Variants in MDN1 observed in about 807,000 individuals in gnomAD.
MDN1 encodes midasin.
A neutral mutation model predicts 669.2 loss-of-function variants in MDN1; 266 were observed. The observed-to-expected ratio is 0.40, with a 90% confidence interval of 0.36 to 0.44. The LOEUF (loss-of-function observed/expected upper bound fraction) is 0.44. Among genes scored for constraint, MDN1 ranks in the 20% least tolerant of loss-of-function variants. The pLI, the probability that MDN1 is intolerant of heterozygous loss-of-function variation, is 1.00. For missense variants in MDN1, 5,940 were observed against 6,754.0 expected (o/e 0.88, Z 4.22); for synonymous variants, 2,385 against 2,457.1 (o/e 0.97, Z 0.87).
chr6:89,754,252 G>C, intron 20 of MDN1, 22 bp from the exon 21 acceptor site: 1 of 1,604,088 alleles, frequency 6.2e-7, no homozygotes, highest in Non-Finnish European at 8.5e-7. Flanking sequence ...ATAAAGGTCA[G>C]GCAATTTTAT....
At chr6:89,793,389 C>T (rs991557801) in intron 5 of MDN1, among the ~76,000 whole-genome samples, 1 of 152,154 alleles carries the variant, frequency 6.6e-6, no homozygotes, top group Non-Finnish European at 1.5e-5. Context: ...AAAGGCATCA[C>T]ACAGGAACCA....
At position 89,690,737 on chromosome 6, in the gene MDN1, G is replaced by T. The variant is rs756037422; in HGVS notation, c.10685C>A (p.Thr3562Lys). 6.2e-7 allele frequency: 1 copy of T among 1,613,954 alleles called. No individual in the cohort carries two copies. The highest frequency in any genetic ancestry group is 8.5e-7 in the Non-Finnish European group (1 of 1,180,018). ...LYRYRSRNSR[T>K]ALSEEEEEER... ...TTCCTCCTCCTCTTCACTCAGGGCT[G>T]TCCTAGAGTTCCTGCTCCTGTATCT... Residue 3562 changes from threonine (T) to lysine (K), a missense_variant, in exon 64 of 102, where the codon ACA becomes AAA. By Grantham distance (78) the Thr-to-Lys change is moderately conservative (BLOSUM62 -1). Coordinates refer to ENST00000369393, the MANE Select transcript of MDN1 (RefSeq NM_014611.3).
intron 68 of MDN1, 112 bp from the exon 69 acceptor site, chr6:89,687,135 G>A (rs1383778792): frequency 5.4e-6 from 8 of 1,473,906 alleles, no homozygotes; most frequent in Non-Finnish European, 6.4e-6. Context: ...TGGAGATGGA[G>A]GAGCCACCCA....
chr6:89,684,391 A>T (rs6926650), intron 71 of MDN1, among the ~76,000 whole-genome samples: 74,283 of 136,380 alleles, frequency 0.54, 19,024 homozygotes, highest in East Asian at 0.84. Context: ...AAAGTGATTT[A>T]AAAAAAAAAA....
At position 89,700,873 on chromosome 6, in the gene MDN1, C is replaced by G. The variant is rs1326142792; in HGVS notation, c.8428-17G>C. 7 of 1,611,374 alleles carry G rather than the reference C, an allele frequency of 4.3e-6. No homozygotes were observed. Among genetic ancestry groups the G allele is most frequent in the Non-Finnish European group, 4.2e-6 (5 of 1,178,196 alleles). On this transcript the variant is annotated splice_polypyrimidine_tract_variant and intron_variant, in intron 55 of 101. Coordinates refer to ENST00000369393, the MANE Select transcript of MDN1 (RefSeq NM_014611.3). ...CAGCTTGTCCTGAAACAACAACACC[C>G]ACAAGAGCATACTATAGAGCACAAA...
Position 89,674,424 on chromosome 6 carries a change from C to T in MDN1, c.12927G>A (p.Gln4309=), listed in dbSNP as rs1243375575. 2 of 1,614,140 alleles carry T rather than the reference C, an allele frequency of 1.2e-6. No individual in the cohort carries two copies. Among genetic ancestry groups the T allele is most frequent in the Non-Finnish European group, 1.7e-6 (2 of 1,180,014 alleles). Residue 4309 remains glutamine, a synonymous_variant, in exon 79 of 102, where the codon CAG becomes CAA. Transcript: ENST00000369393. ...GAGCTGGCCCTACACTGGGGCAGCA[C>T]TGGAGGAGCCAGGAGAGCTGCTCAA... ...ILLEQLSWLL[Q]CCPSVGPAPG...
intron 33 of MDN1, among the ~76,000 whole-genome samples, chr6:89,735,604 C>A (rs1584289623): frequency 6.6e-6 from 1 of 151,948 alleles, no homozygotes; most frequent in Admixed American, 6.6e-5. Flanking sequence ...GATTTGTGAA[C>A]TAAAAATACT....
At chr6:89,770,221 T>C (rs541826469) in intron 15 of MDN1, among the ~76,000 whole-genome samples, 4 of 152,094 alleles carry the variant, frequency 2.6e-5, no homozygotes, top group African/African-American at 4.8e-5. Flanking sequence ...CTGGCAAACA[T>C]GGTAAAACCC....
Position 89,695,601 on chromosome 6 carries a change from A to G in MDN1, c.9771+4T>C, listed in dbSNP as rs997505899. Reference sequence around the variant, plus strand: ...CCCATGCTCCATACTCTTGCCTCCCATACCTCTTCCTTGACGTAATTGAGC... The same window carrying G: ...CCCATGCTCCATACTCTTGCCTCCCGTACCTCTTCCTTGACGTAATTGAGC... On this transcript the variant is annotated splice_donor_region_variant and intron_variant, in intron 61 of 101. Coordinates refer to ENST00000369393, the MANE Select transcript of MDN1 (RefSeq NM_014611.3). This position sits in a 1 kb window ranked among gnomAD's most constrained non-coding sequence, Gnocchi z 4.1. 1 of 1,584,866 alleles carries G rather than the reference A, an allele frequency of 6.3e-7. No homozygotes were observed. The highest frequency in any genetic ancestry group is 8.6e-7 in the Non-Finnish European group (1 of 1,160,500).
At chr6:89,682,699 TAAA>T (rs143107841) in intron 73 of MDN1, among the ~76,000 whole-genome samples, 7,587 of 94,932 alleles carry the variant, frequency 0.08, 367 homozygotes, top group Non-Finnish European at 0.11. Flanking sequence ...GACTCTGTCT[TAAA>T]AAAAAAAAAA....
At chr6:89,679,568 G>A (rs1185403822) in intron 74 of MDN1, among the ~76,000 whole-genome samples, 1 of 152,176 alleles carries the variant, frequency 6.6e-6, no homozygotes, top group East Asian at 1.9e-4. Context: ...TCTGACTGAA[G>A]TCCTTAAAAG....
At position 89,745,631 on chromosome 6, in the gene MDN1, G is replaced by C. The variant is rs377332868; in HGVS notation, c.3905-5C>G. 9.9e-6 allele frequency: 16 copies of C among 1,608,886 alleles called. No homozygotes were observed. In the East Asian group the frequency reaches 1.1e-4, roughly 11 times the overall value. On this transcript the variant is annotated splice_region_variant and splice_polypyrimidine_tract_variant and intron_variant, in intron 27 of 101. Transcript: ENST00000369393. ...GACCTGCCAGAAGCATATAACCTGG[G>C]AGGAGGAGGAGGAAAAGGAGGAGAG... is the stretch of plus-strand genomic sequence containing the variant.
chr6:89,732,043 C>T (rs369998349), intron 34 of MDN1, among the ~76,000 whole-genome samples: 8 of 152,002 alleles, frequency 5.3e-5, no homozygotes, highest in Admixed American at 3.3e-4. Context: ...TACAACCCAA[C>T]CCCGGCCAAT....
At chr6:89,738,788 G>T (rs1213579570) in intron 32 of MDN1, among the ~76,000 whole-genome samples, 1 of 152,088 alleles carries the variant, frequency 6.6e-6, no homozygotes, top group Non-Finnish European at 1.5e-5. Context: ...CCTTTACTTT[G>T]CATCAGGTAC....
intron 23 of MDN1, 63 bp downstream of exon 23, chr6:89,751,368 C>A: frequency 6.3e-7 from 1 of 1,590,392 alleles, no homozygotes; most frequent in Non-Finnish European, 8.6e-7. Flanking sequence ...GAAGTTAGAC[C>A]AAAATGTCAT....
chr6:89,754,493 G>T (rs565590308), intron 20 of MDN1, among the ~76,000 whole-genome samples: 1 of 152,148 alleles, frequency 6.6e-6, no homozygotes, highest in Admixed American at 6.5e-5. Flanking sequence ...TAGCAAAAAG[G>T]TACTGATAAA....
chr6:89,643,873 G>T lies in MDN1; in HGVS notation c.*132C>A. On this transcript the variant is annotated 3_prime_UTR_variant, in exon 102 of 102. Coordinates refer to ENST00000369393, the MANE Select transcript of MDN1 (RefSeq NM_014611.3). ...GCCGGGAGCCAGAGAGCATTCTGTA[G>T]GCTGTAAGATCACGTTGTAAAATAA... 2 of 809,184 alleles carry T rather than the reference G, an allele frequency of 2.5e-6. No individual in the cohort carries two copies. Among genetic ancestry groups the T allele is most frequent in the Non-Finnish European group, 3.7e-6 (2 of 546,556 alleles). 50.1% of individuals were successfully genotyped at this position (809,184 alleles called of 1,614,324 possible).
chr6:89,679,441 TCC>T (rs894078168), intron 74 of MDN1, among the ~76,000 whole-genome samples: 2 of 152,150 alleles, frequency 1.3e-5, no homozygotes, highest in Non-Finnish European at 2.9e-5. Context: ...GGTTGTGTCT[TCC>T]CCCTCAATTC....
intron 78 of MDN1, among the ~76,000 whole-genome samples, chr6:89,675,238 T>C (rs914843496): frequency 2.0e-5 from 3 of 152,068 alleles, no homozygotes; most frequent in African/African-American, 7.2e-5. Flanking sequence ...TCTCTGCAGC[T>C]CCATATTCTC....
Sources: allele counts gnomAD v4.1 joint callset (sites outside exome capture counted in the v4.1 genomes callset), GRCh38; gene constraint gnomAD v4.1.1; non-coding constraint Gnocchi (gnomAD v3.1); transcripts MANE v1.5; gene names NCBI Gene and HGNC (gene_info 2026-07-23, HGNC 2026-07-21).